Variants in DGKG observed in about 807,000 individuals in gnomAD.
DGKG encodes the protein DAG kinase gamma.
A neutral mutation model predicts 105.3 loss-of-function variants in DGKG; 78 were observed. The observed-to-expected ratio is 0.74, with a 90% confidence interval of 0.62 to 0.89. DGKG has a LOEUF of 0.89. Among genes scored for constraint, DGKG ranks in the 40% least tolerant of loss-of-function variants. The pLI, the probability that DGKG is intolerant of heterozygous loss-of-function variation, is 0.00. For missense variants in DGKG, 958 were observed against 1,020.1 expected, an observed-to-expected ratio of 0.94 and a Z score of 0.83; for synonymous variants, 346 against 367.1, an observed-to-expected ratio of 0.94 and a Z score of 0.66.
intron 2 of DGKG, among the ~76,000 whole-genome samples, chr3:186,318,014 G>A (rs1014172325): frequency 6.6e-6 from 1 of 152,146 alleles, no homozygotes; most frequent in Non-Finnish European, 1.5e-5. Context: ...GTGCATTGAT[G>A]ATATTTCCAC....
At chr3:186,337,927 A>C (rs1259267010) in intron 1 of DGKG, among the ~76,000 whole-genome samples, 2 of 152,060 alleles carry the variant, frequency 1.3e-5, no homozygotes, top group African/African-American at 4.8e-5. Context: ...CTCAGCACTT[A>C]GGGAGGCCGA....
chr3:186,330,779 T>C (rs2108650712), intron 1 of DGKG, among the ~76,000 whole-genome samples: 1 of 152,296 alleles, frequency 6.6e-6, no homozygotes, highest in Non-Finnish European at 1.5e-5. Context: ...CATTTGGGAT[T>C]TCACAGCCTT....
intron 1 of DGKG, among the ~76,000 whole-genome samples, chr3:186,337,570 T>C (rs908527426): frequency 1.3e-5 from 2 of 152,154 alleles, no homozygotes; most frequent in Non-Finnish European, 2.9e-5. Flanking sequence ...ATGATAAGGA[T>C]GCATGTTAGA....
intron 24 of DGKG, among the ~76,000 whole-genome samples, chr3:186,157,423 T>C (rs1027349092): frequency 6.6e-6 from 1 of 152,124 alleles, no homozygotes; most frequent in Non-Finnish European, 1.5e-5. Flanking sequence ...TAGTCTATAG[T>C]CTTCTATTTT....
chr3:186,272,218 A>G (rs372945444), intron 11 of DGKG, 37 bp downstream of exon 11: 1 of 1,479,982 alleles, frequency 6.8e-7, no homozygotes. Flanking sequence ...TTCCTGGATG[A>G]GGCATGCAGT....
intron 24 of DGKG, chr3:186,161,161 T>C: frequency 7.1e-6 from 7 of 991,862 alleles, no homozygotes; most frequent in Non-Finnish European, 8.4e-6. Context: ...TCAAAGGCGC[T>C]ACCCTACCAA....
chr3:186,244,684 G>A (rs1367808321), intron 19 of DGKG, among the ~76,000 whole-genome samples: 1 of 152,186 alleles, frequency 6.6e-6, no homozygotes, highest in African/African-American at 2.4e-5. Flanking sequence ...TGAGATTACA[G>A]GCATGAGCCA....
chr3:186,310,138 G>A (rs1339969208), intron 2 of DGKG, among the ~76,000 whole-genome samples: 8 of 150,046 alleles, frequency 5.3e-5, no homozygotes, highest in Non-Finnish European at 8.9e-5. Context: ...GTGGTGGCAC[G>A]TGCCTGTAAT....
chr3:186,338,184 A>AG (rs1454436699), intron 1 of DGKG, among the ~76,000 whole-genome samples: 8 of 151,762 alleles, frequency 5.3e-5, no homozygotes, highest in African/African-American at 1.7e-4. Context: ...AAAAAAAAAA[A>AG]AAAAGAAAGA....
At chr3:186,163,399 G>T (rs1716392961) in intron 23 of DGKG, among the ~76,000 whole-genome samples, 1 of 152,136 alleles carries the variant, frequency 6.6e-6, no homozygotes, top group Admixed American at 6.5e-5. Context: ...GAAAAGGCAG[G>T]CTCTTTTGGA....
chr3:186,270,988 G>T (rs1006287819), intron 11 of DGKG, among the ~76,000 whole-genome samples: 3 of 152,208 alleles, frequency 2.0e-5, no homozygotes, highest in African/African-American at 7.2e-5. Flanking sequence ...CATGGAGCAG[G>T]GTGTGCATGG....
At chr3:186,202,434 T>C (rs1718516155) in intron 21 of DGKG, among the ~76,000 whole-genome samples, 1 of 152,262 alleles carries the variant, frequency 6.6e-6, no homozygotes, top group Non-Finnish European at 1.5e-5. Flanking sequence ...ATTCTCTGTT[T>C]AATAACCTGT....
intron 1 of DGKG, among the ~76,000 whole-genome samples, chr3:186,360,355 A>G (rs1727168761): frequency 6.6e-6 from 1 of 152,102 alleles, no homozygotes; most frequent in Admixed American, 6.5e-5. Flanking sequence ...CCAGAAAAAT[A>G]CCTGTAGTAA....
At chr3:186,224,384 G>C (rs1719748206) in intron 20 of DGKG, among the ~76,000 whole-genome samples, 1 of 152,164 alleles carries the variant, frequency 6.6e-6, no homozygotes, top group South Asian at 2.1e-4. Flanking sequence ...ATGTCCCTTA[G>C]CTTGCTACCC....
At chr3:186,180,885 C>T (rs1467208360) in intron 22 of DGKG, among the ~76,000 whole-genome samples, 1 of 152,244 alleles carries the variant, frequency 6.6e-6, no homozygotes, top group African/African-American at 2.4e-5. Flanking sequence ...GCACAGTGCA[C>T]AGACAGATTG....
chr3:186,219,151 TAAAAAAAA>T (rs35173611), intron 20 of DGKG, among the ~76,000 whole-genome samples: 4 of 124,380 alleles, frequency 3.2e-5, no homozygotes, highest in African/African-American at 1.2e-4. Context: ...CATCAAGAGT[TAAAAAAAA>T]AAAAAAAAAA....
chr3:186,221,537 C>T (rs1433958516), intron 20 of DGKG, among the ~76,000 whole-genome samples: 1 of 152,160 alleles, frequency 6.6e-6, no homozygotes, highest in African/African-American at 2.4e-5. Flanking sequence ...GAAATCCCTG[C>T]CTGGAGGGAC....
Position 186,210,522 on chromosome 3 carries a change from C to T in DGKG, c.1917+1273G>A. ...GCCAGATCGGCGCCTCCCACCCTGG[C>T]GTTGGTAACCCAGCAACCGAAGAGG... On this transcript the variant is annotated intron_variant, in intron 21 of 24. Transcript: ENST00000265022. This position sits in a 1 kb window ranked among gnomAD's most constrained non-coding sequence, Gnocchi z 5.2. 2 of 445,598 alleles carry T rather than the reference C, an allele frequency of 4.5e-6. No homozygotes were observed. Among genetic ancestry groups the T allele is most frequent in the East Asian group, 7.1e-5 (1 of 14,062 alleles). The allele number at this position is 445,598 out of a possible 1,614,324, so 27.6% of individuals were successfully genotyped here. A position where few individuals can be genotyped will look rare whatever the true frequency, so the allele number is the denominator to read the frequency against.
intron 22 of DGKG, among the ~76,000 whole-genome samples, chr3:186,177,163 T>C (rs1474798374): frequency 6.6e-6 from 1 of 152,218 alleles, no homozygotes; most frequent in Admixed American, 6.5e-5. Context: ...GTTCTTCCCC[T>C]TCCTTCTCAT....
Sources: allele counts gnomAD v4.1 joint callset (sites outside exome capture counted in the v4.1 genomes callset), GRCh38; gene constraint gnomAD v4.1.1; non-coding constraint Gnocchi (gnomAD v3.1); transcripts MANE v1.5; gene names NCBI Gene and HGNC (gene_info 2026-07-23, HGNC 2026-07-21).